CCDC3: variants seen among roughly 807,000 people sequenced by gnomAD.
The protein encoded by CCDC3 is coiled-coil domain containing 3, also known as coiled-coil domain-containing protein 3.
In CCDC3, 24 loss-of-function variants were observed where a neutral mutation model predicts 21.4. The observed-to-expected ratio is 1.12, with a 90% CI of 0.81 to 1.58. The LOEUF (loss-of-function observed/expected upper bound fraction) is 1.58. Among genes scored for constraint, CCDC3 ranks in the 40% most tolerant of loss-of-function variants. The probability of loss-of-function intolerance (pLI) is 0.00; values close to 1 mark genes in which losing one functional copy is unlikely to be tolerated. For missense variants in CCDC3, 425 were observed against 360.9 expected (o/e 1.18, Z -1.44); for synonymous variants, 186 against 166.0 (o/e 1.12, Z -0.93).
chr10:13,058,112 T>C, intron 4 of CCDC3: 1 of 810,800 alleles, frequency 1.2e-6, no homozygotes, highest in South Asian at 1.3e-5. Context: ...TGCAATAAAT[T>C]CCTTGTTTTC....
chr10:12,960,546 C>T (rs578196785), intron 2 of CCDC3, among the ~76,000 whole-genome samples: 3 of 152,216 alleles, frequency 2.0e-5, no homozygotes, highest in East Asian at 3.9e-4. Flanking sequence ...GTAAACAGAC[C>T]GAAGCCCAAG....
chr10:12,924,274 G>A (rs1589007585), intron 2 of CCDC3, among the ~76,000 whole-genome samples: 1 of 152,242 alleles, frequency 6.6e-6, no homozygotes, highest in East Asian at 1.9e-4. Flanking sequence ...TCTAAGTAAG[G>A]CCCTTTGCCG....
chr10:12,977,316 G>A (rs1337147830), intron 2 of CCDC3, among the ~76,000 whole-genome samples: 2 of 151,854 alleles, frequency 1.3e-5, no homozygotes, highest in Non-Finnish European at 2.9e-5. Context: ...GAAAGGAAAG[G>A]AAAGGAAGAA....
intron 5 of CCDC3, among the ~76,000 whole-genome samples, chr10:13,012,410 C>G (rs1285675871): frequency 1.3e-5 from 2 of 152,186 alleles, no homozygotes; most frequent in East Asian, 3.8e-4. Context: ...AGAAGACATA[C>G]TTGCAGCCAA....
At chr10:12,936,482 C>T (rs1261275723) in intron 2 of CCDC3, among the ~76,000 whole-genome samples, 1 of 152,138 alleles carries the variant, frequency 6.6e-6, no homozygotes. Flanking sequence ...ACTTCAGCCT[C>T]CCAAAGTGCT....
Position 13,041,516 on chromosome 10 carries a change from T to A in CCDC3, c.-2+8158A>T, listed in dbSNP as rs1295765613. Reference sequence around the variant, plus strand: ...TGTCTGGCAGATAATTTTTTTTTTTTTTTTTTTTTTTTTTTTTTTTTTTTT... The same window carrying A: ...TGTCTGGCAGATAATTTTTTTTTTTATTTTTTTTTTTTTTTTTTTTTTTTT... On this transcript the variant is annotated intron_variant, in intron 5 of 6. Transcript: ENST00000378839. Among the ~76,000 whole-genome samples the A allele has an allele frequency of 1.3e-3, 86 of 66,946 alleles. 1 individual carries two copies. Among genetic ancestry groups the A allele is most frequent in the Middle Eastern group, 9.3e-3 (1 of 108 alleles). 43.9% of individuals were successfully genotyped at this position (66,946 alleles called of 152,430 possible). A position where few individuals can be genotyped will look rare whatever the true frequency, so the allele number is the denominator to read the frequency against.
chr10:13,088,464 A>G (rs1341671367), intron 3 of CCDC3, among the ~76,000 whole-genome samples: 2 of 152,220 alleles, frequency 1.3e-5, no homozygotes, highest in African/African-American at 2.4e-5. Flanking sequence ...ATATCATCAA[A>G]CTATAATTAG....
At chr10:13,010,676 A>G (rs2131398375) in intron 5 of CCDC3, among the ~76,000 whole-genome samples, 1 of 152,354 alleles carries the variant, frequency 6.6e-6, no homozygotes, top group Non-Finnish European at 1.5e-5. Flanking sequence ...TAGCAGCTTT[A>G]TTTGTAGTAG....
intron 2 of CCDC3, among the ~76,000 whole-genome samples, chr10:12,957,372 C>T (rs761324483): frequency 9.9e-5 from 15 of 152,182 alleles, no homozygotes; most frequent in Admixed American, 2.0e-4. Flanking sequence ...CTTTACCAAC[C>T]GTAACTCGTG....
chr10:13,007,281 C>T (rs1223030717), intron 5 of CCDC3, among the ~76,000 whole-genome samples: 1 of 152,160 alleles, frequency 6.6e-6, no homozygotes, highest in Non-Finnish European at 1.5e-5. Context: ...TTCCCTAAGC[C>T]TTTGGATTCC....
At position 12,939,726 on chromosome 10, in the gene CCDC3, A is replaced by G. The variant is rs17152527; in HGVS notation, c.550-41047T>C. Among the ~76,000 whole-genome samples the G allele has an allele frequency of 8.2e-3, 1,250 of 152,126 alleles. 20 individuals carry two copies. Among genetic ancestry groups the G allele is most frequent in the African/African-American group, 0.028 (1,156 of 41,436 alleles). ...CCTCACATGGGGATTATGCAGAAAA[A>G]TTGCTTGATATGACATATTCTGATC... On this transcript the variant is annotated intron_variant, in intron 2 of 2. Transcript: ENST00000378825.
intron 2 of CCDC3, among the ~76,000 whole-genome samples, chr10:12,989,623 T>C (rs1366439606): frequency 6.6e-6 from 1 of 152,090 alleles, no homozygotes; most frequent in Non-Finnish European, 1.5e-5. Flanking sequence ...GGTTTCACCA[T>C]GTTGGCCAGG....
chr10:13,042,722 C>T (rs7088901), intron 5 of CCDC3, among the ~76,000 whole-genome samples: 39,339 of 151,372 alleles, frequency 0.26, 5,544 homozygotes, highest in East Asian at 0.52. Flanking sequence ...TCCTGGCTAA[C>T]ATGGTGAAAC....
At chr10:12,951,300 G>C (rs989225668) in intron 2 of CCDC3, among the ~76,000 whole-genome samples, 2 of 152,070 alleles carry the variant, frequency 1.3e-5, no homozygotes, top group African/African-American at 4.8e-5. Flanking sequence ...AAGCTAGAGA[G>C]AGCTGTGATT....
At chr10:13,050,979 C>A (rs1049533694) in intron 4 of CCDC3, among the ~76,000 whole-genome samples, 3 of 151,984 alleles carry the variant, frequency 2.0e-5, no homozygotes, top group Non-Finnish European at 2.9e-5. Context: ...TTTGTAGAGA[C>A]CAGGTCTCAC....
chr10:13,025,556 C>T (rs189847409), intron 5 of CCDC3, among the ~76,000 whole-genome samples: 9 of 152,114 alleles, frequency 5.9e-5, no homozygotes, highest in South Asian at 2.1e-4. Context: ...TTAAATATAA[C>T]GTCAAAAAAT....
intron 2 of CCDC3, among the ~76,000 whole-genome samples, chr10:12,911,358 C>T (rs1157691973): frequency 6.6e-6 from 1 of 152,182 alleles, no homozygotes; most frequent in Non-Finnish European, 1.5e-5. Flanking sequence ...ACAGTAAGTC[C>T]TCAACAGAGT....
chr10:12,915,075 A>T (rs1834330292), intron 2 of CCDC3, among the ~76,000 whole-genome samples: 1 of 152,052 alleles, frequency 6.6e-6, no homozygotes, highest in Non-Finnish European at 1.5e-5. Context: ...CATTTTTAAA[A>T]TTTTTTTCTT....
chr10:13,091,305 C>G (rs1019316266), intron 3 of CCDC3, among the ~76,000 whole-genome samples: 4 of 152,124 alleles, frequency 2.6e-5, no homozygotes, highest in African/African-American at 7.2e-5. Flanking sequence ...GGAGGTGAAG[C>G]CTTTTGGGGG....
Sources: gnomAD v4.1 joint callset for allele counts (sites outside exome capture counted in the v4.1 genomes callset) on GRCh38, gnomAD v4.1.1 for gene constraint, MANE v1.5 for transcripts, NCBI Gene and HGNC (gene_info 2026-07-23, HGNC 2026-07-21) for gene names.